FHIT: variants seen among roughly 807,000 people sequenced by gnomAD.
FHIT encodes the protein fragile histidine triad diadenosine triphosphatase.
In FHIT, 19 loss-of-function variants were observed where a neutral mutation model predicts 17.9. The ratio of observed to expected loss-of-function variants is 1.06; its 90% CI spans 0.74 to 1.56. The LOEUF (loss-of-function observed/expected upper bound fraction) is 1.56. Ranked by LOEUF, FHIT falls within the 40% of genes most tolerant of loss-of-function variation. FHIT has a pLI of 0.00. For synonymous variants in FHIT, 81 were observed against 69.7 expected (o/e 1.16, Z -0.81); for missense variants, 248 against 189.2 (o/e 1.31, Z -1.82).
At chr3:60,562,404 T>A (rs1330987178) in intron 4 of FHIT, among the ~76,000 whole-genome samples, 2 of 152,122 alleles carry the variant, frequency 1.3e-5, no homozygotes, top group Non-Finnish European at 2.9e-5. Context: ...GGACTGTTGT[T>A]TGAGATAAAT....
At chr3:60,803,550 T>A (rs1553732988) in intron 4 of FHIT, among the ~76,000 whole-genome samples, 1 of 152,132 alleles carries the variant, frequency 6.6e-6, no homozygotes, top group Non-Finnish European at 1.5e-5. Context: ...AGCAATTGGA[T>A]GAGAAAGCCT....
chr3:60,215,320 A>G (rs1188661992), intron 5 of FHIT, among the ~76,000 whole-genome samples: 2 of 152,084 alleles, frequency 1.3e-5, no homozygotes, highest in Non-Finnish European at 2.9e-5. Context: ...TGAAACTAAA[A>G]ATACAAAAAC....
intron 2 of FHIT, among the ~76,000 whole-genome samples, chr3:61,188,737 A>T (rs1560054331): frequency 6.6e-6 from 1 of 152,118 alleles, no homozygotes; most frequent in Non-Finnish European, 1.5e-5. Context: ...ATCCACCATG[A>T]TCAAGTGGGC....
At chr3:60,451,178 T>C (rs2031718641) in intron 5 of FHIT, among the ~76,000 whole-genome samples, 1 of 152,108 alleles carries the variant, frequency 6.6e-6, no homozygotes, top group South Asian at 2.1e-4. Flanking sequence ...TTAACCATTT[T>C]ATCAAATGGT....
rs1368944087 is a variant in FHIT, at chr3:60,441,779, T to C, written c.103+95081A>G. 4.3e-3 allele frequency among the ~76,000 whole-genome samples: 87 copies of C among 20,422 alleles called. 4 individuals carry two copies. The highest frequency in any genetic ancestry group is 9.8e-3 in the African/African-American group (82 of 8,388). The allele number at this position is 20,422 out of a possible 152,430, so 13.4% of individuals were successfully genotyped here. On this transcript the variant is annotated intron_variant, in intron 5 of 9. Coordinates refer to ENST00000492590, the MANE Select transcript of FHIT (RefSeq NM_002012.4). ...AAAAATATATATATATTTATATGTA[T>C]AAAAATATATATATATATATATATA...
At chr3:60,373,072 C>A (rs1309126442) in intron 5 of FHIT, among the ~76,000 whole-genome samples, 1 of 152,030 alleles carries the variant, frequency 6.6e-6, no homozygotes, top group African/African-American at 2.4e-5. Context: ...TTTTTATGTG[C>A]CAGACAATAT....
At chr3:61,142,036 T>C (rs1395362864) in intron 2 of FHIT, among the ~76,000 whole-genome samples, 9 of 151,456 alleles carry the variant, frequency 5.9e-5, no homozygotes, top group Admixed American at 5.3e-4. Flanking sequence ...TGCAAAGCAA[T>C]TTCTCAGGGG....
At chr3:61,023,031 T>C (rs2032538757) in intron 3 of FHIT, among the ~76,000 whole-genome samples, 1 of 152,126 alleles carries the variant, frequency 6.6e-6, no homozygotes, top group Non-Finnish European at 1.5e-5. Flanking sequence ...CATATTCAAA[T>C]AGGAAGAGAG....
intron 4 of FHIT, among the ~76,000 whole-genome samples, chr3:60,679,744 A>T (rs1253056012): frequency 1.3e-5 from 2 of 152,106 alleles, no homozygotes; most frequent in Non-Finnish European, 2.9e-5. Context: ...AAAACATTAA[A>T]AAATTCTTTT....
intron 7 of FHIT, among the ~76,000 whole-genome samples, chr3:59,925,989 T>TTTCATATTAAG: frequency 6.6e-6 from 1 of 152,356 alleles, no homozygotes; most frequent in South Asian, 2.1e-4. Flanking sequence ...GCTGTGGTGA[T>TTTCATATTAAG]CACAACTTAC....
intron 5 of FHIT, among the ~76,000 whole-genome samples, chr3:60,477,410 C>T (rs545687401): frequency 1.3e-5 from 2 of 152,128 alleles, no homozygotes; most frequent in East Asian, 3.9e-4. Context: ...TTTATGCCTG[C>T]CTTTGGATTT....
chr3:60,965,818 A>G (rs1553783096), intron 3 of FHIT, among the ~76,000 whole-genome samples: 4 of 152,148 alleles, frequency 2.6e-5, no homozygotes, highest in African/African-American at 7.2e-5. Context: ...TCAGAGGGGT[A>G]CCTGGCTGTG....
chr3:60,024,181 T>C (rs1559557452), intron 5 of FHIT, among the ~76,000 whole-genome samples: 1 of 152,200 alleles, frequency 6.6e-6, no homozygotes, highest in African/African-American at 2.4e-5. Context: ...CTATGCTTTT[T>C]AATAACAATG....
intron 7 of FHIT, among the ~76,000 whole-genome samples, chr3:59,946,405 A>G (rs1269496699): frequency 1.3e-5 from 2 of 152,206 alleles, no homozygotes; most frequent in Non-Finnish European, 2.9e-5. Flanking sequence ...TGTTTATCAA[A>G]TTAAAGAGCT....
At chr3:61,106,927 G>C (rs939269771) in intron 2 of FHIT, among the ~76,000 whole-genome samples, 4 of 152,082 alleles carry the variant, frequency 2.6e-5, no homozygotes, top group Admixed American at 2.6e-4. Flanking sequence ...CCAAAGTGCT[G>C]GGATTACAGG....
At chr3:60,509,960 A>G (rs1045861772) in intron 5 of FHIT, among the ~76,000 whole-genome samples, 2 of 152,188 alleles carry the variant, frequency 1.3e-5, no homozygotes, top group African/African-American at 2.4e-5. Context: ...AGAGATTCCA[A>G]TGAGTGATAC....
chr3:60,673,698 A>G (rs1449355723), intron 4 of FHIT, among the ~76,000 whole-genome samples: 1 of 152,204 alleles, frequency 6.6e-6, no homozygotes, highest in Admixed American at 6.5e-5. Flanking sequence ...ATAAATTTAA[A>G]TTTAAAAAAA....
chr3:60,121,957 A>G (rs1447596464), intron 5 of FHIT, among the ~76,000 whole-genome samples: 2 of 152,122 alleles, frequency 1.3e-5, no homozygotes, highest in African/African-American at 4.8e-5. Context: ...CTTTGCTCAA[A>G]CCAAGGATAA....
At chr3:60,586,740 G>A (rs1491002422) in intron 4 of FHIT, among the ~76,000 whole-genome samples, 2 of 151,956 alleles carry the variant, frequency 1.3e-5, no homozygotes, top group Admixed American at 1.3e-4. Context: ...ACCAAAGCAA[G>A]AACAGAAAAC....
Sources: allele counts gnomAD v4.1 joint callset (sites outside exome capture counted in the v4.1 genomes callset), GRCh38; gene constraint gnomAD v4.1.1; transcripts MANE v1.5; gene names NCBI Gene and HGNC (gene_info 2026-07-23, HGNC 2026-07-21).